Variants in VAT1 observed in about 807,000 individuals in gnomAD.
VAT1 encodes vesicle amine transport 1, also known as NADPH-dependent quinone oxidoreductase VAT1.
VAT1 carries 24 observed loss-of-function variants against 33.3 expected under a neutral mutation model. The observed-to-expected ratio is 0.72, with a 90% CI of 0.52 to 1.01. VAT1 has a LOEUF of 1.01. Among genes scored for constraint, VAT1 ranks in the 50% least tolerant of loss-of-function variants. The pLI is 0.00. For missense variants in VAT1, 436 were observed against 533.7 expected (o/e 0.82, Z 1.80); for synonymous variants, 212 against 225.0 (o/e 0.94, Z 0.52).
intron 2 of VAT1, 126 bp downstream of exon 2, chr17:43,018,466 C>T: frequency 8.9e-7 from 1 of 1,129,058 alleles, no homozygotes; most frequent in South Asian, 1.5e-5. Flanking sequence ...ACAGCAGAGG[C>T]CTCTGGGAGC....
Position 43,015,955 on chromosome 17 carries a change from G to A in VAT1, c.*106C>T. On this transcript the variant is annotated 3_prime_UTR_variant, in exon 6 of 6. Transcript: ENST00000355653. ...ACCACAGAGACCTTCGGGGGAGGGA[G>A]GGCAGAGCATTATGACAGAGGCTGA... 1.6e-6 allele frequency: 2 copies of A among 1,285,260 alleles called. No homozygotes were observed. The highest frequency in any genetic ancestry group is 2.6e-5 in the South Asian group (2 of 76,586). The allele number at this position is 1,285,260 out of a possible 1,614,324, so 79.6% of individuals were successfully genotyped here.
In VAT1 at chr17:43,015,795, A is replaced by C; in HGVS notation, c.*266T>G. 1.9e-6 allele frequency: 1 copy of C among 534,004 alleles called. No homozygotes were observed. Among genetic ancestry groups the C allele is most frequent in the Non-Finnish European group, 3.4e-6 (1 of 298,084 alleles). The allele number at this position is 534,004 out of a possible 1,614,324, so 33.1% of individuals were successfully genotyped here. On this transcript the variant is annotated 3_prime_UTR_variant, in exon 6 of 6. Coordinates refer to ENST00000355653, the MANE Select transcript of VAT1 (RefSeq NM_006373.4). ...AAAAGCAGCACAGCAGGCCCGGGGA[A>C]AGGGTGGGGGCAGGAAGCAGCCGGC...
intron 1 of VAT1, chr17:43,020,404 A>G (rs2050556778): frequency 1.9e-6 from 1 of 531,188 alleles, no homozygotes; most frequent in Non-Finnish European, 2.4e-6. Flanking sequence ...ACGCCTGCTC[A>G]AGAGTGGGAT....
intron 2 of VAT1, 141 bp from the exon 3 acceptor site, chr17:43,018,347 G>T: frequency 8.9e-7 from 1 of 1,118,762 alleles, no homozygotes. Flanking sequence ...CCATGACTGA[G>T]AAGTGGTGGG....
In VAT1 at chr17:43,016,322, G is replaced by C; in HGVS notation, c.1083C>G (p.Val361=). The change falls in exon 5 of 6, where the codon GTC becomes GTG. Residue 361 remains valine (V), a synonymous_variant. Coordinates refer to ENST00000355653, the MANE Select transcript of VAT1 (RefSeq NM_006373.4). ...QGHIKPHIDS[V]WPFEKVADAM... ...TCACATTCACCTTCTCGAAGGGCCAGACTGAGTCAATGTGGGGCTTGATGT... is the reference window on the plus strand; with the variant it reads ...TCACATTCACCTTCTCGAAGGGCCACACTGAGTCAATGTGGGGCTTGATGT... 6.2e-7 allele frequency: 1 copy of C among 1,609,584 alleles called. No individual in the cohort carries two copies. Among genetic ancestry groups the C allele is most frequent in the Non-Finnish European group, 8.5e-7 (1 of 1,179,978 alleles).
Position 43,016,133 on chromosome 17 carries a change from G to C in VAT1, c.1110C>G (p.Ala370=). The C allele has an allele frequency of 1.2e-6, 2 of 1,614,104 alleles. No individual in the cohort carries two copies. Among genetic ancestry groups the C allele is most frequent in the East Asian group, 4.5e-5 (2 of 44,884 alleles). Residue 370 remains alanine (A), a synonymous_variant, in exon 6 of 6, where the codon GCC becomes GCG. Coordinates refer to ENST00000355653, the MANE Select transcript of VAT1 (RefSeq NM_006373.4). ...TCTTCTTCTCCTGCATCTGTTTCAT[G>C]GCATCAGCCACCTGGGGAGGAAGGA... ...SVWPFEKVAD[A]MKQMQEKKNV... is the part of the protein sequence containing the mutation.
chr17:43,017,306 G>A (rs1490334679), intron 4 of VAT1, among the ~76,000 whole-genome samples: 2 of 151,600 alleles, frequency 1.3e-5, no homozygotes, highest in African/African-American at 2.4e-5. Context: ...AATTTGGCCA[G>A]GCGTGGTGGC....
chr17:43,018,828 C>A, intron 1 of VAT1, 29 bp from the exon 2 acceptor site: 1 of 1,612,704 alleles, frequency 6.2e-7, no homozygotes, highest in South Asian at 1.1e-5. Context: ...ATCATTCAGT[C>A]ACTCATTCAT....
At chr17:43,017,574 C>T (rs1408700410) in intron 4 of VAT1, among the ~76,000 whole-genome samples, 2 of 77,646 alleles carry the variant, frequency 2.6e-5, no homozygotes, top group Admixed American at 2.2e-4. Flanking sequence ...AAGAGCGAAA[C>T]TCCATCTCAA....
intron 1 of VAT1, among the ~76,000 whole-genome samples, chr17:43,021,446 G>A (rs2050566203): frequency 6.6e-6 from 1 of 152,170 alleles, no homozygotes; most frequent in Non-Finnish European, 1.5e-5. Context: ...GGGGCTGCAT[G>A]TGACCAGGAC....
At chr17:43,018,483 C>A in intron 2 of VAT1, 109 bp downstream of exon 2, 1 of 1,315,574 alleles carries the variant, frequency 7.6e-7, no homozygotes, top group Non-Finnish European at 1.1e-6. Flanking sequence ...GAGCCACAGG[C>A]CAAGGCAGCC....
intron 1 of VAT1, chr17:43,019,051 T>C (rs1338527012): frequency 1.5e-5 from 8 of 536,858 alleles, no homozygotes; most frequent in Non-Finnish European, 2.0e-5. Flanking sequence ...CTTACATCAG[T>C]TCTTTGAGGC....
Position 43,014,966 on chromosome 17 carries a change from C to T in VAT1, c.*1095G>A, listed in dbSNP as rs997334864. 2 of 152,688 alleles carry T rather than the reference C, an allele frequency of 1.3e-5. No individual in the cohort carries two copies. Among genetic ancestry groups the T allele is most frequent in the African/African-American group, 4.8e-5 (2 of 41,464 alleles). The allele number at this position is 152,688 out of a possible 1,614,324, so 9.5% of individuals were successfully genotyped here. ...GCTTTGAGAAGGCAGTAGGGCCTCC[C>T]CTAACTGCAAGGGGAATGTGCTTGG... On this transcript the variant is annotated 3_prime_UTR_variant, in exon 6 of 6. Transcript: ENST00000355653.
At chr17:43,021,524 G>T (rs2050567065) in intron 1 of VAT1, among the ~76,000 whole-genome samples, 1 of 150,084 alleles carries the variant, frequency 6.7e-6, no homozygotes, top group Admixed American at 6.7e-5. Flanking sequence ...TCGGGGAAAG[G>T]GGGCACTAAC....
chr17:43,018,566 G>A (rs2151971150), intron 2 of VAT1, 26 bp downstream of exon 2: 2 of 1,611,508 alleles, frequency 1.2e-6, no homozygotes, highest in Non-Finnish European at 1.7e-6. Context: ...TGGGGTAAGG[G>A]GTGATAAAGT....
chr17:43,016,050 A>C lies in VAT1; in HGVS notation c.*11T>G. The C allele has an allele frequency of 6.2e-7, 1 of 1,614,002 alleles. No individual in the cohort carries two copies. The highest frequency in any genetic ancestry group is 1.6e-4 in the Middle Eastern group (1 of 6,062). ...CCTTCGCTGGTCTCTAGGGTCTCAC[A>C]GCCACTTGCCCTAGTTCTCCTTCTC... On this transcript the variant is annotated 3_prime_UTR_variant, in exon 6 of 6. Transcript: ENST00000355653.
chr17:43,021,253 G>A lies in VAT1; in HGVS notation c.387+683C>T, dbSNP rs185843564. ...AGGAGGAGGAGATACTGCAGTCACG[G>A]GAGACACAGAGCCCAAGACAAAGAT... is the stretch of plus-strand genomic sequence containing the variant. On this transcript the variant is annotated intron_variant, in intron 1 of 5. Transcript: ENST00000355653. Among the ~76,000 whole-genome samples the A allele has an allele frequency of 1.3e-3, 192 of 152,332 alleles. 2 individuals carry two copies. The highest frequency in any genetic ancestry group is 7.9e-4 in the Non-Finnish European group (54 of 68,032).
Position 43,018,811 on chromosome 17 carries a change from G to A in VAT1, c.388-12C>T, listed in dbSNP as rs760333758. 3.1e-6 allele frequency: 5 copies of A among 1,613,972 alleles called. No individual in the cohort carries two copies. The Admixed American group carries it at 8.3e-5, about 27-fold the overall frequency. ...ACCCGGTCTCCTGCCTTGAAGAACA[G>A]AAGAGTATCATTCAGTCACTCATTC... On this transcript the variant is annotated splice_polypyrimidine_tract_variant and intron_variant, in intron 1 of 5. Transcript: ENST00000355653.
chr17:43,016,539 T>C lies in VAT1; in HGVS notation c.866A>G (p.Asn289Ser), dbSNP rs1408418052. The C allele has an allele frequency of 6.2e-6, 10 of 1,613,060 alleles. No individual in the cohort carries two copies. The South Asian group carries it at 9.9e-5, about 16-fold the overall frequency. Reference protein sequence around the residue: ...MGKVVTYGMANLLTGPKRNLM... With the variant: ...MGKVVTYGMASLLTGPKRNLM... The stretch of plus-strand genomic sequence containing the variant: ...GTTCCGTTTGGGGCCCGTCAGCAGG[T>C]TGGCCATTCCTGAAGGACAAGGTGA... Residue 289 changes from asparagine to serine, a missense_variant, in exon 5 of 6, where the codon AAC becomes AGC. Transcript: ENST00000355653.
Sources: allele counts gnomAD v4.1 joint callset (sites outside exome capture counted in the v4.1 genomes callset), GRCh38; gene constraint gnomAD v4.1.1; transcripts MANE v1.5; gene names NCBI Gene and HGNC (gene_info 2026-07-23, HGNC 2026-07-21).